Variants in RGS13 observed in about 807,000 individuals in gnomAD.
RGS13 encodes regulator of G protein signaling 13.
RGS13 carries 14 observed loss-of-function variants against 19.9 expected under a neutral mutation model. The ratio of observed to expected loss-of-function variants is 0.70; its 90% CI spans 0.46 to 1.10. The LOEUF (loss-of-function observed/expected upper bound fraction) is 1.10, where lower values mean the gene tolerates loss of function less well. Ranked by LOEUF, RGS13 falls within the 50% of genes least tolerant of loss-of-function variation. The pLI is 0.00. For missense variants in RGS13, 205 were observed against 187.1 expected (o/e 1.10, Z -0.56); for synonymous variants, 60 against 56.8 (o/e 1.06, Z -0.25).
chr1:192,643,332 A>G (rs1375743243), intron 3 of RGS13, among the ~76,000 whole-genome samples: 2 of 152,164 alleles, frequency 1.3e-5, no homozygotes, highest in Non-Finnish European at 2.9e-5. Context: ...TTCATTATAT[A>G]TGTATGTATA....
At chr1:192,659,268 C>A in intron 6 of RGS13, 70 bp from the exon 7 acceptor site, 3 of 1,141,966 alleles carry the variant, frequency 2.6e-6, no homozygotes, top group Non-Finnish European at 2.5e-6. Flanking sequence ...ATAAATTAAA[C>A]CTTTCTACTA....
intron 5 of RGS13, among the ~76,000 whole-genome samples, chr1:192,649,051 C>T (rs537821460): frequency 2.5e-3 from 388 of 152,228 alleles, no homozygotes; most frequent in African/African-American, 9.1e-3. Context: ...CTTACTTCTG[C>T]TTCATCCCTA....
At chr1:192,636,997 T>A (rs1409197541) in intron 1 of RGS13, among the ~76,000 whole-genome samples, 1 of 151,978 alleles carries the variant, frequency 6.6e-6, no homozygotes, top group Non-Finnish European at 1.5e-5. Flanking sequence ...CAGACAGAAT[T>A]GCTTTAAGAA....
intron 3 of RGS13, among the ~76,000 whole-genome samples, chr1:192,641,301 AG>A (rs1171691041): frequency 1.2e-4 from 15 of 129,572 alleles, no homozygotes; most frequent in Non-Finnish European, 1.9e-4. Flanking sequence ...AAAGAAAGAA[AG>A]AAAGAAAAGA....
intron 4 of RGS13, chr1:192,646,788 A>AT (rs1448835158): frequency 6.6e-6 from 1 of 152,142 alleles, no homozygotes; most frequent in East Asian, 1.9e-4. Context: ...TGCTGAGGAT[A>AT]TGGGCTTCCA....
intron 5 of RGS13, among the ~76,000 whole-genome samples, chr1:192,653,446 T>C (rs1663380111): frequency 6.6e-6 from 1 of 152,016 alleles, no homozygotes; most frequent in Non-Finnish European, 1.5e-5. Context: ...AAATATTACA[T>C]CTTCAATCTA....
At chr1:192,642,848 C>A (rs370507085) in intron 3 of RGS13, among the ~76,000 whole-genome samples, 1 of 151,836 alleles carries the variant, frequency 6.6e-6, no homozygotes, top group Non-Finnish European at 1.5e-5. Context: ...CATCACATTT[C>A]GGGATTTTTT....
At chr1:192,643,282 G>A (rs1051421556) in intron 3 of RGS13, among the ~76,000 whole-genome samples, 13 of 152,104 alleles carry the variant, frequency 8.5e-5, no homozygotes, top group South Asian at 2.1e-4. Flanking sequence ...TGAATGAATC[G>A]TAAAGACTGA....
chr1:192,649,209 T>C (rs1663273024), intron 5 of RGS13, among the ~76,000 whole-genome samples: 1 of 152,176 alleles, frequency 6.6e-6, no homozygotes, highest in Non-Finnish European at 1.5e-5. Context: ...TCATAGTTTA[T>C]AATCCAATTT....
At chr1:192,645,118 G>A (rs555213363) in intron 4 of RGS13, 1 of 152,442 alleles carries the variant, frequency 6.6e-6, no homozygotes, top group South Asian at 2.1e-4. Context: ...TGCAATGGTG[G>A]TCAGAGGAGA....
In RGS13 at chr1:192,660,166, A is replaced by AT. The variant is rs1663598589; in HGVS notation, c.*644dup. ...CTCTTGCATCTACATTGCTATAAGGATATAAAATGTGGTTTCTATATTTTG... is the reference window on the plus strand; with the variant it reads ...CTCTTGCATCTACATTGCTATAAGGATTATAAAATGTGGTTTCTATATTTTG... On this transcript the variant is annotated 3_prime_UTR_variant, in exon 7 of 7. Transcript: ENST00000391995. 6.6e-6 allele frequency: 1 copy of AT among 152,066 alleles called. No homozygotes were observed. The highest frequency in any genetic ancestry group is 1.5e-5 in the Non-Finnish European group (1 of 67,958). The allele number at this position is 152,066 out of a possible 1,614,324, so 9.4% of individuals were successfully genotyped here.
intron 3 of RGS13, among the ~76,000 whole-genome samples, chr1:192,641,298 GA>G: frequency 9.1e-6 from 1 of 109,988 alleles, no homozygotes; most frequent in Non-Finnish European, 2.1e-5. Flanking sequence ...AAGAAAGAAA[GA>G]AAGAAAGAAA....
chr1:192,648,024 C>T (rs1205823001), intron 5 of RGS13, 37 bp downstream of exon 5: 22 of 1,436,164 alleles, frequency 1.5e-5, no homozygotes, highest in South Asian at 6.1e-5. Context: ...GAATAACTAG[C>T]GAGTTCCATT....
At chr1:192,645,603 C>T (rs1203313760) in intron 4 of RGS13, 1 of 152,032 alleles carries the variant, frequency 6.6e-6, no homozygotes, top group Admixed American at 6.6e-5. Flanking sequence ...CTTTCATATC[C>T]GTTTGGTATC....
intron 5 of RGS13, among the ~76,000 whole-genome samples, chr1:192,650,857 T>G (rs928062271): frequency 5.3e-5 from 8 of 152,068 alleles, no homozygotes; most frequent in Admixed American, 2.6e-4. Context: ...ATCAAAGATT[T>G]TCTTGTTATT....
chr1:192,650,826 A>AT (rs71931668), intron 5 of RGS13, among the ~76,000 whole-genome samples: 6 of 151,964 alleles, frequency 3.9e-5, no homozygotes, highest in Middle Eastern at 3.4e-3. Context: ...CATATGAAAG[A>AT]TTTTTTTTAT....
At chr1:192,640,205 G>A (rs552676626) in intron 3 of RGS13, among the ~76,000 whole-genome samples, 3 of 152,138 alleles carry the variant, frequency 2.0e-5, no homozygotes, top group Non-Finnish European at 2.9e-5. Context: ...TAAGCTGCGA[G>A]TCATTGTGTA....
rs570256093 is a variant in RGS13 at position 192,640,747 on chromosome 1, A to G, written c.-5+2544A>G. 9.3e-5 allele frequency among the ~76,000 whole-genome samples: 9 copies of G among 97,128 alleles called. No individual in the cohort carries two copies. In the South Asian group the frequency reaches 3.2e-3, roughly 34 times the overall value. The allele number at this position is 97,128 out of a possible 152,430, so 63.7% of individuals were successfully genotyped here. A position where few individuals can be genotyped will look rare whatever the true frequency, so the allele number is the denominator to read the frequency against. ...ATTTCTCATATGTTCTTATCTCCAA[A>G]CCTGCAAATGAACTTGAATCTATAC... On this transcript the variant is annotated intron_variant, in intron 3 of 6. Transcript: ENST00000391995.
rs76217756 is a variant in RGS13 at position 192,656,346 on chromosome 1, T to G, written c.128-1855T>G. ...AAGCCAGAAACAGCTTAACATTCTG[T>G]TTTTTTTTTTTTATTTGTTCATTTG... On this transcript the variant is annotated intron_variant, in intron 5 of 6. Transcript: ENST00000391995. Among the ~76,000 whole-genome samples the G allele has an allele frequency of 9.4e-3, 1,205 of 128,462 alleles. 42 individuals are homozygous for G. Among genetic ancestry groups the G allele is most frequent in the Admixed American group, 0.075 (947 of 12,550 alleles). 84.3% of individuals were successfully genotyped at this position (128,462 alleles called of 152,430 possible). A position where few individuals can be genotyped will look rare whatever the true frequency, so the allele number is the denominator to read the frequency against.
Sources: allele counts gnomAD v4.1 joint callset (sites outside exome capture counted in the v4.1 genomes callset), GRCh38; gene constraint gnomAD v4.1.1; transcripts MANE v1.5; gene names NCBI Gene and HGNC (gene_info 2026-07-23, HGNC 2026-07-21).